The following MYO5C variants were observed in gnomAD, a reference collection of about 807,000 sequenced individuals.
The protein encoded by MYO5C is unconventional myosin-Vc.
MYO5C carries 194 observed loss-of-function variants against 235.7 expected under a neutral mutation model. The observed-to-expected ratio is 0.82, with a 90% CI of 0.73 to 0.93. The LOEUF is 0.93. Among genes scored for constraint, MYO5C ranks in the 40% least tolerant of loss-of-function variants. MYO5C has a pLI of 0.00. For synonymous variants in MYO5C, 707 were observed against 754.8 expected, an observed-to-expected ratio of 0.94 and a Z score of 1.04; for missense variants, 2,038 against 2,127.2, an observed-to-expected ratio of 0.96 and a Z score of 0.82.
At chr15:52,227,029 G>A (rs1418631227) in intron 25 of MYO5C, among the ~76,000 whole-genome samples, 3 of 151,798 alleles carry the variant, frequency 2.0e-5, no homozygotes, top group Non-Finnish European at 4.4e-5. Flanking sequence ...GCAGATGCCT[G>A]TAATCCCAGC....
Position 52,225,498 on chromosome 15 carries a change from A to G in MYO5C, c.3242T>C (p.Leu1081Pro). ...ISEFEKEIELLQAQKIDVEKH... is the reference protein window; with the variant it reads ...ISEFEKEIELPQAQKIDVEKH... The stretch of plus-strand genomic sequence containing the variant: ...CTCCACATCTATCTTCTGTGCCTGA[A>G]GTAGTTCTATCTCTTTTTCGAACTC... The change falls in exon 26 of 41, where the codon CTT becomes CCT. Residue 1081 changes from leucine to proline, a missense_variant. Leu to Pro is a moderately conservative substitution (Grantham distance 98, BLOSUM62 -3). Transcript: ENST00000261839. The G allele has an allele frequency of 1.2e-6, 2 of 1,613,666 alleles. No homozygotes were observed. The highest frequency in any genetic ancestry group is 1.7e-6 in the Non-Finnish European group (2 of 1,179,894).
intron 10 of MYO5C, 50 bp from the exon 11 acceptor site, chr15:52,256,770 G>A (rs1472973113): frequency 2.9e-6 from 4 of 1,390,258 alleles, no homozygotes; most frequent in Middle Eastern, 3.6e-4. Context: ...CAAGACATAT[G>A]CATTTGTTTA....
intron 31 of MYO5C, among the ~76,000 whole-genome samples, chr15:52,219,320 AT>A (rs1485657659): frequency 2.0e-5 from 3 of 152,176 alleles, no homozygotes; most frequent in African/African-American, 7.2e-5. Flanking sequence ...AGCAATGAAG[AT>A]TTTCCATCAA....
Position 52,229,820 on chromosome 15 carries a change from C to T in MYO5C, c.3027-507G>A, listed in dbSNP as rs116989007. On this transcript the variant is annotated intron_variant, in intron 24 of 40. Transcript: ENST00000261839. ...AGGTTAAAGACAACTTCTTACACCT[C>T]CTGATTTGAAAGGTGTGGCTTTACA... Among the ~76,000 whole-genome samples, 1,007 of 152,328 alleles carry T rather than the reference C, an allele frequency of 6.6e-3. 3 individuals carry two copies. The highest frequency in any genetic ancestry group is 0.044 in the Middle Eastern group (13 of 294).
intron 26 of MYO5C, 47 bp from the exon 27 acceptor site, chr15:52,225,185 T>C (rs1425140110): frequency 1.9e-6 from 3 of 1,600,482 alleles, no homozygotes; most frequent in Non-Finnish European, 2.6e-6. Context: ...GTGGATGATT[T>C]ATCTTTTCCC....
chr15:52,270,657 T>C (rs1474541619), intron 7 of MYO5C, among the ~76,000 whole-genome samples: 1 of 150,866 alleles, frequency 6.6e-6, no homozygotes, highest in Non-Finnish European at 1.5e-5. Context: ...TACACACATT[T>C]ATATATGTAT....
intron 1 of MYO5C, among the ~76,000 whole-genome samples, chr15:52,284,419 A>G (rs2037220182): frequency 6.8e-6 from 1 of 147,712 alleles, no homozygotes. Flanking sequence ...AAAAATTCAC[A>G]GCAGTAGTTG....
In MYO5C at chr15:52,213,216, C is replaced by T. The variant is rs777200786; in HGVS notation, c.4113G>A (p.Glu1371=). 7 of 1,614,100 alleles carry T rather than the reference C, an allele frequency of 4.3e-6. No individual in the cohort carries two copies. The highest frequency in any genetic ancestry group is 1.7e-5 in the Admixed American group (1 of 60,006). ...LGMLQYKRED[E]AKLIQNLILD... ...GAATGAGGTTCTGAATGAGCTTGGC[C>T]TCGTCTTCTCTCTTGTATTGCAGCA... Residue 1371 remains glutamate (E), a synonymous_variant, in exon 34 of 41, where the codon GAG becomes GAA. Coordinates refer to ENST00000261839, the MANE Select transcript of MYO5C (RefSeq NM_018728.4).
At position 52,194,086 on chromosome 15, in the gene MYO5C, G is replaced by A. The variant is rs752272308; in HGVS notation, c.5077-32C>T. On this transcript the variant is annotated intron_variant, in intron 40 of 40. Transcript: ENST00000261839. The stretch of plus-strand genomic sequence containing the variant: ...TTAGAATCAGAGGAAAAATGAGTAA[G>A]GAAACTAACATGTTCTGCTTTACTG... The A allele has an allele frequency of 5.0e-6, 8 of 1,601,846 alleles. No homozygotes were observed. In the African/African-American group the frequency reaches 1.1e-4, roughly 22 times the overall value.
At chr15:52,213,565 A>G (rs555019749) in intron 33 of MYO5C, 79 of 248,084 alleles carry the variant, frequency 3.2e-4, no homozygotes, top group African/African-American at 1.7e-3. Context: ...TGGTAACAGG[A>G]AAGAAATCCA....
chr15:52,234,699 G>A (rs2036037784), intron 23 of MYO5C, among the ~76,000 whole-genome samples: 1 of 152,168 alleles, frequency 6.6e-6, no homozygotes, highest in Non-Finnish European at 1.5e-5. Flanking sequence ...AGGAGGGCAT[G>A]GCCTGCTCCT....
chr15:52,292,940 G>A (rs1301448905), intron 1 of MYO5C, among the ~76,000 whole-genome samples: 1 of 152,252 alleles, frequency 6.6e-6, no homozygotes, highest in Non-Finnish European at 1.5e-5. Context: ...GGCAGAGCAT[G>A]AGCCAGGTAA....
rs1016969618 is a variant in MYO5C, at chr15:52,237,480, A to G, written c.2868+2T>C. On this transcript the variant is annotated splice_donor_variant, in intron 22 of 40. Coordinates refer to ENST00000261839, the MANE Select transcript of MYO5C (RefSeq NM_018728.4). LOFTEE classifies it high-confidence loss of function. ...ATCCCGTCTCACACGCCCGCAGCTGACCTCTTCCACAGCATCCCTGTATCT... is the reference window on the plus strand; with the variant it reads ...ATCCCGTCTCACACGCCCGCAGCTGGCCTCTTCCACAGCATCCCTGTATCT... 6.2e-7 allele frequency: 1 copy of G among 1,613,254 alleles called. No individual in the cohort carries two copies. Among genetic ancestry groups the G allele is most frequent in the East Asian group, 2.2e-5 (1 of 44,862 alleles).
chr15:52,202,959 C>T (rs1331541169), intron 38 of MYO5C, among the ~76,000 whole-genome samples: 1 of 143,412 alleles, frequency 7.0e-6, no homozygotes, highest in Non-Finnish European at 1.5e-5. Context: ...TTTGCTTTGT[C>T]CCCCAGGCTG....
rs576031466 is a variant in MYO5C at position 52,242,146 on chromosome 15, C to T, written c.2458G>A (p.Gly820Arg). The T allele has an allele frequency of 1.2e-4, 188 of 1,614,178 alleles. 7 individuals carry two copies. The South Asian group carries it at 2.0e-3, about 17-fold the overall frequency. ...AAIIIQKHCRGYLVRSLYQLI... is the reference protein window; with the variant it reads ...AAIIIQKHCRRYLVRSLYQLI... ...TGATACAGGCTGCGAACAAGATACC[C>T]GCGGCAGTGCTTCTGAATGATTATG... Residue 820 changes from glycine to arginine, a missense_variant, in exon 20 of 41, where the codon GGG (glycine) becomes AGG (arginine). Coordinates refer to ENST00000261839, the MANE Select transcript of MYO5C (RefSeq NM_018728.4).
At chr15:52,291,831 C>T (rs1386669159) in intron 1 of MYO5C, among the ~76,000 whole-genome samples, 3 of 136,830 alleles carry the variant, frequency 2.2e-5, no homozygotes, top group African/African-American at 7.9e-5. Flanking sequence ...CTTCGCCTCC[C>T]GGGTTCACGC....
At chr15:52,252,041 T>C (rs1463072990) in intron 12 of MYO5C, among the ~76,000 whole-genome samples, 1 of 152,198 alleles carries the variant, frequency 6.6e-6, no homozygotes, top group East Asian at 1.9e-4. Context: ...TTAAAAATTA[T>C]TATTAATTGA....
intron 32 of MYO5C, among the ~76,000 whole-genome samples, chr15:52,216,655 G>A (rs1319835528): frequency 2.6e-5 from 4 of 151,478 alleles, no homozygotes; most frequent in African/African-American, 9.7e-5. Context: ...AAAAAAAAAA[G>A]AAATTTCTTT....
At chr15:52,276,384 T>A (rs1183621673) in intron 4 of MYO5C, among the ~76,000 whole-genome samples, 1 of 152,206 alleles carries the variant, frequency 6.6e-6, no homozygotes, top group African/African-American at 2.4e-5. Context: ...ACACATTCAA[T>A]TCTTCCAGCA....
Sources: allele counts gnomAD v4.1 joint callset (sites outside exome capture counted in the v4.1 genomes callset), GRCh38; gene constraint gnomAD v4.1.1; transcripts MANE v1.5; gene names NCBI Gene and HGNC (gene_info 2026-07-23, HGNC 2026-07-21).